The following B3GNT2 variants were observed in gnomAD, a reference collection of about 807,000 sequenced individuals.
B3GNT2 encodes N-acetyllactosaminide beta-1,3-N-acetylglucosaminyltransferase 2.
In B3GNT2, 12 loss-of-function variants were observed where a neutral mutation model predicts 27.6. That is an observed-to-expected ratio of 0.44 (90% CI 0.28 to 0.71). The LOEUF (loss-of-function observed/expected upper bound fraction) is 0.71, where lower values mean the gene tolerates loss of function less well. B3GNT2 is among the 30% of genes least tolerant of loss of function. The pLI is 0.17. For missense variants in B3GNT2, 413 were observed against 488.5 expected (o/e 0.85, Z 1.46); for synonymous variants, 192 against 189.7 (o/e 1.01, Z -0.10).
intron 1 of B3GNT2, among the ~76,000 whole-genome samples, chr2:62,216,648 C>T (rs1009810349): frequency 6.6e-6 from 1 of 152,302 alleles, no homozygotes; most frequent in African/African-American, 2.4e-5. Context: ...AAGCAATCCT[C>T]TCACCCTGGC....
intron 1 of B3GNT2, among the ~76,000 whole-genome samples, chr2:62,202,731 T>C (rs1674292879): frequency 1.3e-5 from 2 of 152,202 alleles, no homozygotes; most frequent in Admixed American, 1.3e-4. Context: ...GCTGGAGGGA[T>C]CCTTTAAAAA....
chr2:62,206,747 T>A (rs1045540966), intron 1 of B3GNT2, among the ~76,000 whole-genome samples: 6 of 152,184 alleles, frequency 3.9e-5, no homozygotes, highest in Admixed American at 3.9e-4. Flanking sequence ...CTTTCTGCAC[T>A]CTTTGTGCCT....
At chr2:62,212,832 T>C (rs962394308) in intron 1 of B3GNT2, among the ~76,000 whole-genome samples, 1 of 152,116 alleles carries the variant, frequency 6.6e-6, no homozygotes, top group African/African-American at 2.4e-5. Flanking sequence ...CTTTCTTAGA[T>C]TACTGTTTGG....
chr2:62,202,492 A>G (rs1181525412), intron 1 of B3GNT2, among the ~76,000 whole-genome samples: 1 of 152,202 alleles, frequency 6.6e-6, no homozygotes, highest in Non-Finnish European at 1.5e-5. Flanking sequence ...CTCGGGGATC[A>G]TGCAGAGATG....
chr2:62,213,642 G>T (rs186698284), intron 1 of B3GNT2, among the ~76,000 whole-genome samples: 9 of 152,292 alleles, frequency 5.9e-5, no homozygotes, highest in Non-Finnish European at 1.3e-4. Flanking sequence ...TACCTCTTCA[G>T]ATCTTGCCCC....
At chr2:62,216,081 A>C (rs1674567875) in intron 1 of B3GNT2, among the ~76,000 whole-genome samples, 1 of 152,078 alleles carries the variant, frequency 6.6e-6, no homozygotes, top group African/African-American at 2.4e-5. Flanking sequence ...ACCCTGCCTG[A>C]GTTCTGGGAG....
intron 1 of B3GNT2, among the ~76,000 whole-genome samples, chr2:62,198,874 G>T (rs1311029119): frequency 1.3e-5 from 2 of 152,174 alleles, no homozygotes; most frequent in Non-Finnish European, 2.9e-5. Context: ...GGCTTTTTCA[G>T]CTGATGCAGG....
At chr2:62,213,315 C>G (rs1246159223) in intron 1 of B3GNT2, among the ~76,000 whole-genome samples, 1 of 152,052 alleles carries the variant, frequency 6.6e-6, no homozygotes, top group East Asian at 1.9e-4. Flanking sequence ...AAATGATTGT[C>G]CCACCTTAGG....
chr2:62,213,140 G>A (rs11890508), intron 1 of B3GNT2, among the ~76,000 whole-genome samples: 3 of 152,080 alleles, frequency 2.0e-5, no homozygotes, highest in Non-Finnish European at 2.9e-5. Context: ...AGGAGACCTC[G>A]TCTCTACAAA....
intron 1 of B3GNT2, among the ~76,000 whole-genome samples, chr2:62,196,699 T>TC (rs1674149887): frequency 6.6e-6 from 1 of 152,016 alleles, no homozygotes; most frequent in Non-Finnish European, 1.5e-5. Flanking sequence ...CCGGGGACCT[T>TC]CCCCCTCCTC....
At chr2:62,220,419 C>A (rs1461623609) in intron 1 of B3GNT2, among the ~76,000 whole-genome samples, 1 of 152,188 alleles carries the variant, frequency 6.6e-6, no homozygotes, top group African/African-American at 2.4e-5. Flanking sequence ...CTTGTGAATT[C>A]CTGTTGATCT....
At chr2:62,213,971 G>A (rs1254526772) in intron 1 of B3GNT2, among the ~76,000 whole-genome samples, 4 of 152,190 alleles carry the variant, frequency 2.6e-5, no homozygotes. Flanking sequence ...GGTGCAGTGT[G>A]AAGACCTTGA....
chr2:62,208,611 G>C (rs924541990), intron 1 of B3GNT2, among the ~76,000 whole-genome samples: 1 of 152,182 alleles, frequency 6.6e-6, no homozygotes, highest in Non-Finnish European at 1.5e-5. Flanking sequence ...CTGGCACAGA[G>C]CCAGGGACCA....
intron 1 of B3GNT2, among the ~76,000 whole-genome samples, chr2:62,200,780 G>T (rs1391030044): frequency 6.6e-6 from 1 of 152,120 alleles, no homozygotes; most frequent in African/African-American, 2.4e-5. Context: ...TCATAGATGG[G>T]TTTTACCTGT....
intron 1 of B3GNT2, among the ~76,000 whole-genome samples, chr2:62,200,647 A>G (rs1674249714): frequency 6.6e-6 from 1 of 152,240 alleles, no homozygotes. Context: ...CTCTCAGATT[A>G]AGAAATAAAC....
intron 1 of B3GNT2, chr2:62,215,545 GTC>G (rs1246523317): frequency 1.0e-4 from 16 of 152,408 alleles, no homozygotes; most frequent in Non-Finnish European, 1.6e-4. Context: ...AACTGTCTCT[GTC>G]TCTGTTTATC....
intron 1 of B3GNT2, among the ~76,000 whole-genome samples, chr2:62,201,102 G>A (rs1191709074): frequency 6.6e-6 from 1 of 152,016 alleles, no homozygotes; most frequent in East Asian, 1.9e-4. Flanking sequence ...CTTTAACAGG[G>A]TGATAACTAA....
At chr2:62,202,917 C>G (rs1674297214) in intron 1 of B3GNT2, among the ~76,000 whole-genome samples, 1 of 152,156 alleles carries the variant, frequency 6.6e-6, no homozygotes, top group African/African-American at 2.4e-5. Flanking sequence ...AGCTTTCCTG[C>G]CTCTGGCCTT....
chr2:62,211,492 G>A (rs769802217), intron 1 of B3GNT2, among the ~76,000 whole-genome samples: 3 of 152,268 alleles, frequency 2.0e-5, no homozygotes, highest in Non-Finnish European at 4.4e-5. Context: ...AAGTCTTCGG[G>A]ACAACAAAAC....
Sources: gnomAD v4.1 joint callset for allele counts (sites outside exome capture counted in the v4.1 genomes callset) on GRCh38, gnomAD v4.1.1 for gene constraint, MANE v1.5 for transcripts, NCBI Gene and HGNC (gene_info 2026-07-23, HGNC 2026-07-21) for gene names.